Variants in TTLL7 observed in about 807,000 individuals in gnomAD.
The protein encoded by TTLL7 is tubulin tyrosine ligase like 7, also known as tubulin polyglutamylase TTLL7.
Under a neutral mutation model 120.2 loss-of-function variants are expected in TTLL7, and 53 were observed. The observed-to-expected ratio is 0.44, with a 90% CI of 0.35 to 0.55. The LOEUF (loss-of-function observed/expected upper bound fraction) is 0.55. Ranked by LOEUF, TTLL7 falls within the 20% of genes least tolerant of loss-of-function variation. TTLL7 has a pLI of 0.00. For missense variants in TTLL7, 803 were observed against 1,054.7 expected (o/e 0.76, Z 3.31); for synonymous variants, 353 against 351.7 (o/e 1.00, Z -0.04).
chr1:83,987,851 CAAAT>C lies in TTLL7; in HGVS notation c.-177+11076_-177+11079del, dbSNP rs138860631. On this transcript the variant is annotated intron_variant, in intron 1 of 20. Coordinates refer to ENST00000260505, the MANE Select transcript of TTLL7 (RefSeq NM_024686.6). ...GAACTACAACTCAACAAGAAAAAAT[CAAAT>C]AACCCTATTTGTTTATTTATTCTAT... Among the ~76,000 whole-genome samples, 697 of 152,158 alleles carry C rather than the reference CAAAT, an allele frequency of 4.6e-3. 8 individuals carry two copies. The highest frequency in any genetic ancestry group is 0.016 in the African/African-American group (674 of 41,532).
rs779923160 is a variant in TTLL7 at position 83,921,250 on chromosome 1, C to T, written c.1287G>A (p.Glu429=). The T allele has an allele frequency of 7.4e-6, 12 of 1,611,930 alleles. No individual in the cohort carries two copies. The highest frequency in any genetic ancestry group is 6.7e-5 in the African/African-American group (5 of 74,686). The part of the protein sequence containing the change: ...QRHQLERRKE[E]LKERLAQVRK... ...TACTTTCTTAAAACTTTCATACCAA[C>T]TCTTCTTTCCGCCTCTCCAACTGGT... The change falls in exon 11 of 21, where the codon GAG becomes GAA. Residue 429 remains glutamate, a synonymous_variant. Transcript: ENST00000260505.
At chr1:83,920,026 C>T (rs968416643) in intron 12 of TTLL7, among the ~76,000 whole-genome samples, 192 bp from the exon 13 acceptor site, 1 of 151,998 alleles carries the variant, frequency 6.6e-6, no homozygotes, top group Non-Finnish European at 1.5e-5. Context: ...GATAACTGGC[C>T]TAATAGATTC....
At position 83,929,120 on chromosome 1, in the gene TTLL7, A is replaced by C; in HGVS notation, c.1142+16T>G. 1 of 1,555,932 alleles carries C rather than the reference A, an allele frequency of 6.4e-7. No individual in the cohort carries two copies. The highest frequency in any genetic ancestry group is 1.4e-5 in the African/African-American group (1 of 73,408). The stretch of plus-strand genomic sequence containing the variant: ...ATGTGGAGATAAATGTCCAAAAGAT[A>C]GAGAGAGTATTTTACCTTATGTTTA... On this transcript the variant is annotated intron_variant, in intron 10 of 20. Transcript: ENST00000260505.
rs539887020 is a variant in TTLL7, at chr1:83,868,205, T to G, written c.*1757A>C. On this transcript the variant is annotated 3_prime_UTR_variant, in exon 21 of 21. Coordinates refer to ENST00000260505, the MANE Select transcript of TTLL7 (RefSeq NM_024686.6). ...AATTTGCCCCTCTCAGTTCTCCTGC[T>G]TTGGGGCCACTTCTTGAAATAACTT... is the stretch of plus-strand genomic sequence containing the variant. 1 of 152,326 alleles carries G rather than the reference T, an allele frequency of 6.6e-6. No individual in the cohort carries two copies. The highest frequency in any genetic ancestry group is 2.4e-5 in the African/African-American group (1 of 41,584). The allele number at this position is 152,326 out of a possible 1,614,324, so 9.4% of individuals were successfully genotyped here.
chr1:83,907,573 T>C lies in TTLL7; in HGVS notation c.1875A>G (p.Gln625=). Residue 625 remains glutamine (Q), a synonymous_variant, in exon 16 of 21, where the codon CAA becomes CAG. Transcript: ENST00000260505. ...SGDTRPFSAQ[Q]MISVSRPTSA... ...AAGTTGGCCGTGACACAGATATCAT[T>C]TGTTGAGCAGAAAATGGGCGGGTGT... 6.2e-7 allele frequency: 1 copy of C among 1,613,260 alleles called. No individual in the cohort carries two copies. The highest frequency in any genetic ancestry group is 1.1e-5 in the South Asian group (1 of 91,056).
chr1:83,924,439 T>C (rs918584614), intron 10 of TTLL7, among the ~76,000 whole-genome samples: 4 of 152,184 alleles, frequency 2.6e-5, no homozygotes, highest in Admixed American at 6.5e-5. Context: ...TTGAAAACAT[T>C]ATCCCAGTTA....
At chr1:83,906,161 C>T (rs1266026962) in intron 17 of TTLL7, among the ~76,000 whole-genome samples, 168 bp downstream of exon 17, 2 of 151,938 alleles carry the variant, frequency 1.3e-5, no homozygotes, top group Non-Finnish European at 2.9e-5. Context: ...TGAATTGTAA[C>T]AATTAAAATA....
At chr1:83,913,468 A>C (rs925415218) in intron 14 of TTLL7, among the ~76,000 whole-genome samples, 1 of 152,192 alleles carries the variant, frequency 6.6e-6, no homozygotes, top group African/African-American at 2.4e-5. Flanking sequence ...TACAAGTACC[A>C]GTTTTATTTA....
At chr1:83,948,987 G>A (rs1427150027) in intron 4 of TTLL7, 2 of 225,964 alleles carry the variant, frequency 8.9e-6, no homozygotes, top group Non-Finnish European at 1.7e-5. Flanking sequence ...AATTACTTTT[G>A]TTATTCTAGA....
At chr1:83,964,079 G>C (rs1042722649) in intron 1 of TTLL7, among the ~76,000 whole-genome samples, 1 of 152,010 alleles carries the variant, frequency 6.6e-6, no homozygotes, top group Non-Finnish European at 1.5e-5. Flanking sequence ...AATTTCTTTG[G>C]AAAGAAACAA....
chr1:83,896,503 A>G (rs113825074), intron 18 of TTLL7, among the ~76,000 whole-genome samples: 70 of 152,220 alleles, frequency 4.6e-4, no homozygotes, highest in African/African-American at 1.6e-3. Context: ...TTTAGAAATA[A>G]CATTAAAATC....
intron 7 of TTLL7, among the ~76,000 whole-genome samples, chr1:83,938,834 T>G (rs575173431): frequency 1.3e-5 from 2 of 152,322 alleles, no homozygotes; most frequent in African/African-American, 4.8e-5. Context: ...TCCTAAAGAT[T>G]ACTTGAGAGA....
At chr1:83,876,949 G>T (rs576147899) in intron 20 of TTLL7, among the ~76,000 whole-genome samples, 2 of 152,034 alleles carry the variant, frequency 1.3e-5, no homozygotes, top group African/African-American at 2.4e-5. Context: ...GGATAGAAGT[G>T]GTGATCACAG....
chr1:83,919,677 A>G (rs1180853741), intron 13 of TTLL7, 22 bp downstream of exon 13: 1 of 1,597,798 alleles, frequency 6.3e-7, no homozygotes, highest in African/African-American at 1.4e-5. Flanking sequence ...TTTTTTCTCT[A>G]TATAAACATT....
In TTLL7 at chr1:83,892,583, T is replaced by TG. The variant is rs1313989249; in HGVS notation, c.2209-2103_2209-2102insC. ...ACATATGAACATATATATGAACATA[T>TG]AAATGAACATATGAATGAACATATA... On this transcript the variant is annotated intron_variant, in intron 18 of 20. Coordinates refer to ENST00000260505, the MANE Select transcript of TTLL7 (RefSeq NM_024686.6). Among the ~76,000 whole-genome samples, 263 of 145,806 alleles carry TG rather than the reference T, an allele frequency of 1.8e-3. 4 individuals are homozygous for TG. The highest frequency in any genetic ancestry group is 2.7e-3 in the Non-Finnish European group (177 of 66,636).
Position 83,967,418 on chromosome 1 carries a change from T to A in TTLL7, c.-176-15031A>T, listed in dbSNP as rs150474640. Among the ~76,000 whole-genome samples the A allele has an allele frequency of 6.6e-4, 101 of 152,190 alleles. 1 individual carries two copies. Among genetic ancestry groups the A allele is most frequent in the African/African-American group, 2.4e-3 (99 of 41,540 alleles). On this transcript the variant is annotated intron_variant, in intron 1 of 20. Coordinates refer to ENST00000260505, the MANE Select transcript of TTLL7 (RefSeq NM_024686.6). ...GGCAGCACAATTCATTCAGACCTCA[T>A]CTTTGGTCAGGGCTGAGAATCTTCA...
At chr1:83,962,956 C>T (rs182209279) in intron 1 of TTLL7, among the ~76,000 whole-genome samples, 8 of 152,246 alleles carry the variant, frequency 5.3e-5, no homozygotes, top group Admixed American at 5.2e-4. Context: ...GACAACGCTT[C>T]TCTAATAAAA....
intron 1 of TTLL7, among the ~76,000 whole-genome samples, chr1:83,981,852 G>A (rs1231002236): frequency 1.3e-5 from 2 of 149,628 alleles, no homozygotes; most frequent in Non-Finnish European, 3.0e-5. Context: ...AAAAATCAAC[G>A]AAGTTAGCTG....
chr1:83,965,465 A>C (rs1650371863), intron 1 of TTLL7, among the ~76,000 whole-genome samples: 1 of 152,112 alleles, frequency 6.6e-6, no homozygotes, highest in African/African-American at 2.4e-5. Context: ...CAAGCCATGC[A>C]GAACTGTGAG....
Sources: gnomAD v4.1 joint callset for allele counts (sites outside exome capture counted in the v4.1 genomes callset) on GRCh38, gnomAD v4.1.1 for gene constraint, MANE v1.5 for transcripts, NCBI Gene and HGNC (gene_info 2026-07-23, HGNC 2026-07-21) for gene names.